The following NMUR2 variants were observed in gnomAD, a reference collection of about 807,000 sequenced individuals.
NMUR2 encodes neuromedin U receptor 2.
Under a neutral mutation model 25.1 loss-of-function variants are expected in NMUR2, and 24 were observed. The ratio of observed to expected loss-of-function variants is 0.96; its 90% CI spans 0.69 to 1.34. NMUR2 has a LOEUF of 1.34. Among genes scored for constraint, NMUR2 ranks in the 40% most tolerant of loss-of-function variants. The pLI is 0.00. For synonymous variants in NMUR2, 218 were observed against 208.1 expected (o/e 1.05, Z -0.41); for missense variants, 533 against 512.8 (o/e 1.04, Z -0.38).
At chr5:152,395,331 C>A in intron 3 of NMUR2, 128 bp downstream of exon 3, 1 of 1,045,050 alleles carries the variant, frequency 9.6e-7, no homozygotes. Flanking sequence ...AAAGAAAAAT[C>A]AAATGTCTTC....
intron 1 of NMUR2, among the ~76,000 whole-genome samples, chr5:152,399,839 A>G (rs1753224256): frequency 6.6e-6 from 1 of 152,192 alleles, no homozygotes; most frequent in Non-Finnish European, 1.5e-5. Flanking sequence ...ACGAAAATTT[A>G]ACTTATTTTA....
chr5:152,395,736 G>T, intron 2 of NMUR2, 152 bp from the exon 3 acceptor site: 1 of 695,544 alleles, frequency 1.4e-6, no homozygotes, highest in Non-Finnish European at 2.2e-6. Context: ...ATCCCAAAGA[G>T]TCTCAGTACA....
chr5:152,398,191 T>C, intron 1 of NMUR2, 47 bp from the exon 2 acceptor site: 1 of 1,356,074 alleles, frequency 7.4e-7, no homozygotes, highest in African/African-American at 1.4e-5. Flanking sequence ...GAGAAACATT[T>C]TTCCTCCTGT....
intron 2 of NMUR2, among the ~76,000 whole-genome samples, chr5:152,396,124 T>C (rs1018551986): frequency 6.6e-6 from 1 of 152,116 alleles, no homozygotes; most frequent in African/African-American, 2.4e-5. Flanking sequence ...TTCCCATCTC[T>C]TATTTTCACC....
chr5:152,397,305 C>G (rs964104279), intron 2 of NMUR2, among the ~76,000 whole-genome samples: 1 of 152,088 alleles, frequency 6.6e-6, no homozygotes, highest in Non-Finnish European at 1.5e-5. Context: ...AATCTCCTTT[C>G]CCTCATCAGT....
In NMUR2 at chr5:152,392,415, T is replaced by A. The variant is rs769778197; in HGVS notation, c.1024A>T (p.Ile342Phe). 3 of 1,613,996 alleles carry A rather than the reference T, an allele frequency of 1.9e-6. No homozygotes were observed. The South Asian group carries it at 3.3e-5, about 18-fold the overall frequency. ...TGCCACTGTTTGTGGAAAGAAGAGA[T>A]CACATTCTGGAATGCTGCCTGGAAG... ...RRFQAAFQNV[I>F]SSFHKQWHSQ... Residue 342 changes from isoleucine to phenylalanine, a missense_variant, in exon 4 of 4, where the codon ATC becomes TTC. Transcript: ENST00000255262.
Position 152,405,046 on chromosome 5 carries a change from T to A in NMUR2, c.68A>T (p.Gln23Leu). 6.2e-7 allele frequency: 1 copy of A among 1,614,016 alleles called. No homozygotes were observed. Among genetic ancestry groups the A allele is most frequent in the Non-Finnish European group, 8.5e-7 (1 of 1,179,998 alleles). ...CTCCTCGGTGCTGTTCAGGTGTTTC[T>A]GGAATGGATCTTCTAGTTTCTGCTG... ...IYQQKLEDPF[Q>L]KHLNSTEEYL... Residue 23 changes from glutamine (Q) to leucine (L), a missense_variant, in exon 1 of 4, where the codon CAG (glutamine) becomes CTG (leucine). Transcript: ENST00000255262.
intron 3 of NMUR2, among the ~76,000 whole-genome samples, chr5:152,393,561 T>C (rs920587026): frequency 2.0e-5 from 3 of 152,112 alleles, no homozygotes; most frequent in Non-Finnish European, 4.4e-5. Flanking sequence ...TCAAAGCACA[T>C]TGGGAGGTAG....
chr5:152,392,076 G>T lies in NMUR2; in HGVS notation c.*115C>A. The stretch of plus-strand genomic sequence containing the variant: ...TTAAAAAAAAAAAAACTAGCAATGG[G>T]TACATGAGTTGTAAGAGCCATTCTA... On this transcript the variant is annotated 3_prime_UTR_variant, in exon 4 of 4. Coordinates refer to ENST00000255262, the MANE Select transcript of NMUR2 (RefSeq NM_020167.5). 1 of 894,128 alleles carries T rather than the reference G, an allele frequency of 1.1e-6. No individual in the cohort carries two copies. Among genetic ancestry groups the T allele is most frequent in the Non-Finnish European group, 1.7e-6 (1 of 577,806 alleles). 55.4% of individuals were successfully genotyped at this position (894,128 alleles called of 1,614,324 possible). A position where few individuals can be genotyped will look rare whatever the true frequency, so the allele number is the denominator to read the frequency against.
At chr5:152,395,856 A>G (rs192887027) in intron 2 of NMUR2, among the ~76,000 whole-genome samples, 11 of 152,202 alleles carry the variant, frequency 7.2e-5, no homozygotes, top group African/African-American at 2.2e-4. Flanking sequence ...TTAAAATAGT[A>G]TTTAATTTAT....
rs773802683 is a variant in NMUR2 at position 152,405,132 on chromosome 5, C to A, written c.-19G>T. Reference sequence around the variant, plus strand: ...CTGACATTAAAATCCAAGGCCTGAGCCTCCCCTGGTACGAGGCTCTGTTTC... The same window carrying A: ...CTGACATTAAAATCCAAGGCCTGAGACTCCCCTGGTACGAGGCTCTGTTTC... On this transcript the variant is annotated 5_prime_UTR_variant, in exon 1 of 4. Transcript: ENST00000255262. The A allele has an allele frequency of 1.0e-5, 16 of 1,584,712 alleles. No homozygotes were observed. The highest frequency in any genetic ancestry group is 1.7e-4 in the Middle Eastern group (1 of 5,864).
In NMUR2 at chr5:152,404,626, G is replaced by C. The variant is rs2113105204; in HGVS notation, c.488C>G (p.Ala163Gly). The change falls in exon 1 of 4, where the codon GCC (alanine) becomes GGC (glycine). Residue 163 changes from alanine (A) to glycine (G), a missense_variant. Ala to Gly is a moderately conservative substitution (Grantham distance 60, BLOSUM62 0). Transcript: ENST00000255262. Reference sequence around the variant, plus strand: ...CCAGACGATGCCGAGGATCCTGAGGGCCCGGCGCCGGGTGCTCTGCAGTTT... The same window carrying C: ...CCAGACGATGCCGAGGATCCTGAGGCCCCGGCGCCGGGTGCTCTGCAGTTT... ...RAKLQSTRRR[A>G]LRILGIVWGF... is the part of the protein sequence containing the mutation. 6.2e-7 allele frequency: 1 copy of C among 1,614,134 alleles called. No individual in the cohort carries two copies. The highest frequency in any genetic ancestry group is 2.2e-5 in the East Asian group (1 of 44,876).
chr5:152,401,598 C>A (rs1753255409), intron 1 of NMUR2, among the ~76,000 whole-genome samples: 1 of 152,206 alleles, frequency 6.6e-6, no homozygotes, highest in Admixed American at 6.5e-5. Context: ...GCAATTCATA[C>A]ATCCATCCTC....
At chr5:152,393,773 T>C (rs1432156142) in intron 3 of NMUR2, among the ~76,000 whole-genome samples, 2 of 152,034 alleles carry the variant, frequency 1.3e-5, no homozygotes, top group Admixed American at 6.6e-5. Context: ...TGGGGGGTGA[T>C]TGAACTCTAG....
rs1344355087 is a variant in NMUR2, at chr5:152,404,876, T to G, written c.238A>C (p.Thr80Pro). Reference protein sequence around the residue: ...ILQHQAMKTPTNYYLFSLAVS... With the variant: ...ILQHQAMKTPPNYYLFSLAVS... ...GCCAGGCTGAAGAGGTAGTAGTTGGTGGGCGTCTTCATAGCCTGGTGCTGC... is the reference window on the plus strand; with the variant it reads ...GCCAGGCTGAAGAGGTAGTAGTTGGGGGGCGTCTTCATAGCCTGGTGCTGC... Residue 80 changes from threonine to proline, a missense_variant, in exon 1 of 4, where the codon ACC (threonine) becomes CCC (proline). By Grantham distance (38) the Thr-to-Pro change is conservative. Coordinates refer to ENST00000255262, the MANE Select transcript of NMUR2 (RefSeq NM_020167.5). 2 of 1,613,802 alleles carry G rather than the reference T, an allele frequency of 1.2e-6. No homozygotes were observed. The highest frequency in any genetic ancestry group is 3.3e-5 in the Admixed American group (2 of 60,004).
In NMUR2 at chr5:152,395,491, G is replaced by A; in HGVS notation, c.905C>T (p.Ala302Val). Reference protein sequence around the residue: ...SFVEEWSESLAAVFNLVHVVS... With the variant: ...SFVEEWSESLVAVFNLVHVVS... ...CACATGGACGAGGTTGAACACAGCA[G>A]CCAGGGATTCACTCCACTCCTCCAC... Residue 302 changes from alanine to valine, a missense_variant, in exon 3 of 4, where the codon GCT becomes GTT. By Grantham distance (64) the Ala-to-Val change is moderately conservative (BLOSUM62 0). Transcript: ENST00000255262. 6.2e-7 allele frequency: 1 copy of A among 1,613,546 alleles called. No homozygotes were observed. Among genetic ancestry groups the A allele is most frequent in the Non-Finnish European group, 8.5e-7 (1 of 1,179,714 alleles).
chr5:152,402,552 A>G (rs1753275121), intron 1 of NMUR2, among the ~76,000 whole-genome samples: 1 of 152,182 alleles, frequency 6.6e-6, no homozygotes, highest in Non-Finnish European at 1.5e-5. Context: ...CAAGGTAGCC[A>G]TGGACTTTTG....
intron 1 of NMUR2, among the ~76,000 whole-genome samples, chr5:152,399,729 A>G (rs568302195): frequency 2.0e-4 from 31 of 152,262 alleles, no homozygotes; most frequent in African/African-American, 7.2e-4. Flanking sequence ...CGGCTTCTGA[A>G]CTTTTCATGT....
rs756145494 is a variant in NMUR2, at chr5:152,395,547, C to T, written c.849G>A (p.Pro283=). 84 of 1,613,378 alleles carry T rather than the reference C, an allele frequency of 5.2e-5. No homozygotes were observed. Among genetic ancestry groups the T allele is most frequent in the Admixed American group, 2.8e-4 (17 of 59,914 alleles). ...TGAAGAAGAGTCGGTCAATGTGGAA[C>T]GGGGCCCAACAGATAGCAAACACTA... ...LVLVFAICWA[P]FHIDRLFFSF... The change falls in exon 3 of 4, where the codon CCG becomes CCA. Residue 283 remains proline (P), a synonymous_variant. Transcript: ENST00000255262.
Sources: gnomAD v4.1 joint callset for allele counts (sites outside exome capture counted in the v4.1 genomes callset) on GRCh38, gnomAD v4.1.1 for gene constraint, MANE v1.5 for transcripts, NCBI Gene and HGNC (gene_info 2026-07-23, HGNC 2026-07-21) for gene names.